The following CXADR variants were observed in gnomAD, a reference collection of about 807,000 sequenced individuals.
The protein encoded by CXADR is CXADR cell adhesion molecule.
A neutral mutation model predicts 40.3 loss-of-function variants in CXADR; 20 were observed. The ratio of observed to expected loss-of-function variants is 0.50; its 90% CI spans 0.35 to 0.72. CXADR has a LOEUF of 0.72. Among genes scored for constraint, CXADR ranks in the 30% least tolerant of loss-of-function variants. The pLI is 0.01. For synonymous variants in CXADR, 150 were observed against 161.3 expected (o/e 0.93, Z 0.53); for missense variants, 332 against 449.1 (o/e 0.74, Z 2.36).
At chr21:17,550,804 G>A (rs979877746) in intron 2 of CXADR, among the ~76,000 whole-genome samples, 12 of 152,190 alleles carry the variant, frequency 7.9e-5, no homozygotes, top group African/African-American at 2.9e-4. Context: ...GGCTATGTGT[G>A]GTTCAGAAAA....
At chr21:17,549,698 T>C (rs2060941270) in intron 2 of CXADR, among the ~76,000 whole-genome samples, 2 of 152,178 alleles carry the variant, frequency 1.3e-5, no homozygotes, top group African/African-American at 4.8e-5. Flanking sequence ...GCTTATAAAA[T>C]AACCAACAGC....
chr21:17,611,293 A>C, the CXADR span, among the ~76,000 whole-genome samples: 1 of 152,204 alleles, frequency 6.6e-6, no homozygotes, highest in Non-Finnish European at 1.5e-5. Flanking sequence ...ACACTAAAGA[A>C]ATGTACTGAA....
the CXADR span, among the ~76,000 whole-genome samples, chr21:17,619,164 T>G: frequency 3.3e-5 from 5 of 152,148 alleles, no homozygotes; most frequent in Non-Finnish European, 5.9e-5. Context: ...CCTAGGGTTT[T>G]CAGAATGGTA....
At chr21:17,591,755 G>T (rs776817081) in intron 7 of CXADR, among the ~76,000 whole-genome samples, 14 of 151,914 alleles carry the variant, frequency 9.2e-5, no homozygotes, top group Non-Finnish European at 1.6e-4. Context: ...CTTTCAAGCT[G>T]AAATTATGTA....
chr21:17,541,557 C>CA (rs946318424), intron 1 of CXADR, among the ~76,000 whole-genome samples: 15 of 146,892 alleles, frequency 1.0e-4, no homozygotes, highest in East Asian at 6.0e-4. Flanking sequence ...GACTCTGTCT[C>CA]AAAAAAAAAA....
chr21:17,605,200 T>C, the CXADR span: 1 of 528,454 alleles, frequency 1.9e-6, no homozygotes, highest in South Asian at 2.9e-5. Context: ...ATGGCACCTA[T>C]GTGAGCCCAA....
chr21:17,551,704 G>T lies in CXADR; in HGVS notation c.211-45G>T, dbSNP rs749233874. The T allele has an allele frequency of 1.7e-5, 26 of 1,526,456 alleles. 1 individual carries two copies. The highest frequency in any genetic ancestry group is 1.4e-4 in the South Asian group (12 of 83,738). 94.6% of individuals were successfully genotyped at this position (1,526,456 alleles called of 1,614,324 possible). A position where few individuals can be genotyped will look rare whatever the true frequency, so the allele number is the denominator to read the frequency against. ...GCTCCTTTAAGAGACAGTTTTTTTT[G>T]TGTGTGTTTGTTTTTCCTCCTGTCT... On this transcript the variant is annotated intron_variant, in intron 2 of 6. Coordinates refer to ENST00000284878, the MANE Select transcript of CXADR (RefSeq NM_001338.5).
At chr21:17,636,134 C>T in the CXADR span, among the ~76,000 whole-genome samples, 1 of 152,102 alleles carries the variant, frequency 6.6e-6, no homozygotes, top group Non-Finnish European at 1.5e-5. Flanking sequence ...TTGATATTGA[C>T]TTTGTACCCT....
At chr21:17,592,824 GTC>G (rs1196586698) in intron 7 of CXADR, among the ~76,000 whole-genome samples, 1 of 151,804 alleles carries the variant, frequency 6.6e-6, no homozygotes, top group Non-Finnish European at 1.5e-5. Context: ...AGCTAGAAAA[GTC>G]TCTAAGGTTT....
At chr21:17,514,838 G>A (rs1170487003) in intron 1 of CXADR, among the ~76,000 whole-genome samples, 1 of 151,832 alleles carries the variant, frequency 6.6e-6, no homozygotes, top group Non-Finnish European at 1.5e-5. Flanking sequence ...TGGTCAGGCT[G>A]GTCTCAAACT....
chr21:17,587,847 T>C (rs1239962379), intron 7 of CXADR, among the ~76,000 whole-genome samples: 1 of 152,244 alleles, frequency 6.6e-6, no homozygotes, highest in African/African-American at 2.4e-5. Context: ...CTAGGTTTTC[T>C]TCTAGGGTTA....
chr21:17,560,551 T>G, intron 4 of CXADR, 151 bp from the exon 5 acceptor site: 1 of 613,256 alleles, frequency 1.6e-6, no homozygotes, highest in South Asian at 2.0e-5. Flanking sequence ...TGGAAACATC[T>G]GTGTGGCTCA....
At chr21:17,590,849 G>A (rs1646391756) in intron 7 of CXADR, among the ~76,000 whole-genome samples, 1 of 152,086 alleles carries the variant, frequency 6.6e-6, no homozygotes, top group Admixed American at 6.6e-5. Flanking sequence ...TGTCATCTCA[G>A]TCTTCACTCT....
chr21:17,628,074 A>G, the CXADR span, among the ~76,000 whole-genome samples: 1 of 152,198 alleles, frequency 6.6e-6, no homozygotes, highest in Non-Finnish European at 1.5e-5. Context: ...TACTCAAATA[A>G]GAGTTATACA....
chr21:17,559,392 C>G (rs966551652), intron 4 of CXADR, among the ~76,000 whole-genome samples: 3 of 151,790 alleles, frequency 2.0e-5, no homozygotes, highest in African/African-American at 7.3e-5. Context: ...CCTGCGTTGC[C>G]TGTGCTGGTC....
intron 7 of CXADR, among the ~76,000 whole-genome samples, chr21:17,579,436 C>T (rs541304653): frequency 2.0e-5 from 3 of 152,160 alleles, no homozygotes; most frequent in Non-Finnish European, 4.4e-5. Flanking sequence ...AGGTGCATGC[C>T]ACCACACCCA....
chr21:17,554,104 A>G (rs574996924), intron 3 of CXADR, among the ~76,000 whole-genome samples: 5 of 152,334 alleles, frequency 3.3e-5, no homozygotes, highest in Non-Finnish European at 7.4e-5. Context: ...CCCCTGTTTG[A>G]TGGGACAGTT....
At chr21:17,545,007 C>T (rs2824343) in intron 1 of CXADR, among the ~76,000 whole-genome samples, 30,316 of 147,292 alleles carry the variant, frequency 0.21, 3,137 homozygotes, top group East Asian at 0.24. Context: ...TGAAAAACAA[C>T]ATCAAGATAG....
intron 7 of CXADR, among the ~76,000 whole-genome samples, chr21:17,583,499 A>T (rs1052818609): frequency 6.6e-6 from 1 of 152,220 alleles, no homozygotes; most frequent in African/African-American, 2.4e-5. Context: ...TCTCCAACAT[A>T]TATGTATAAC....
Sources: gnomAD v4.1 joint callset for allele counts (sites outside exome capture counted in the v4.1 genomes callset) on GRCh38, gnomAD v4.1.1 for gene constraint, MANE v1.5 for transcripts, NCBI Gene and HGNC (gene_info 2026-07-23, HGNC 2026-07-21) for gene names.